ADCK1: variants seen among roughly 807,000 people sequenced by gnomAD.
ADCK1 encodes aarF domain containing kinase 1.
In ADCK1, 41 loss-of-function variants were observed where a neutral mutation model predicts 52.3. That is an observed-to-expected ratio of 0.78 (90% CI 0.61 to 1.02). The LOEUF (loss-of-function observed/expected upper bound fraction) is 1.02. ADCK1 is among the 50% of genes least tolerant of loss of function. The pLI, the probability that ADCK1 is intolerant of heterozygous loss-of-function variation, is 0.00. For missense variants in ADCK1, 658 were observed against 679.5 expected, an observed-to-expected ratio of 0.97 and a Z score of 0.35; for synonymous variants, 250 against 274.6, an observed-to-expected ratio of 0.91 and a Z score of 0.89.
At chr14:77,871,893 T>C (rs965240585) in intron 4 of ADCK1, among the ~76,000 whole-genome samples, 3 of 152,220 alleles carry the variant, frequency 2.0e-5, no homozygotes, top group South Asian at 2.1e-4. Context: ...TTAGGTCTCA[T>C]GCCTAAGTCA....
At chr14:77,806,500 C>T (rs925594738) in intron 1 of ADCK1, among the ~76,000 whole-genome samples, 1 of 152,134 alleles carries the variant, frequency 6.6e-6, no homozygotes, top group Admixed American at 6.5e-5. Context: ...GTCTTGAGGT[C>T]TCTCTCCAGA....
intron 3 of ADCK1, among the ~76,000 whole-genome samples, chr14:77,825,213 C>T (rs886431345): frequency 6.6e-6 from 1 of 152,060 alleles, no homozygotes; most frequent in African/African-American, 2.4e-5. Context: ...TTTGATTTTT[C>T]GATCTGTATC....
intron 4 of ADCK1, among the ~76,000 whole-genome samples, chr14:77,868,325 A>G (rs540727537): frequency 1.3e-5 from 2 of 152,304 alleles, no homozygotes; most frequent in East Asian, 3.9e-4. Context: ...CTCCTGGACT[A>G]TTCTGTTTCA....
At chr14:77,905,967 A>T (rs187328651) in intron 6 of ADCK1, among the ~76,000 whole-genome samples, 83 of 152,360 alleles carry the variant, frequency 5.4e-4, no homozygotes, top group Non-Finnish European at 8.5e-4. Flanking sequence ...CAGAAACCGC[A>T]GTCAAGCAGC....
At chr14:77,903,892 A>C (rs11159307) in intron 6 of ADCK1, among the ~76,000 whole-genome samples, 110,973 of 151,988 alleles carry the variant, frequency 0.73, 40,642 homozygotes, top group Admixed American at 0.76. Context: ...TTGCAGAGTG[A>C]TTTATATTCT....
At chr14:77,900,070 C>CAA (rs751907850) in intron 6 of ADCK1, among the ~76,000 whole-genome samples, 13,121 of 66,548 alleles carry the variant, frequency 0.2, 880 homozygotes, top group African/African-American at 0.28. Context: ...AACTCCGTCT[C>CAA]AAAAAAAAAA....
chr14:77,909,735 G>A (rs2083750631), intron 7 of ADCK1, among the ~76,000 whole-genome samples: 1 of 152,202 alleles, frequency 6.6e-6, no homozygotes, highest in African/African-American at 2.4e-5. Context: ...AAGAGTAGCT[G>A]GGTGGTGGTT....
intron 1 of ADCK1, among the ~76,000 whole-genome samples, chr14:77,803,737 C>A (rs2081162010): frequency 6.6e-6 from 1 of 152,204 alleles, no homozygotes; most frequent in African/African-American, 2.4e-5. Context: ...CCAAACAGTG[C>A]CTCCCACATG....
At chr14:77,854,839 G>T (rs956596121) in intron 3 of ADCK1, among the ~76,000 whole-genome samples, 1 of 152,124 alleles carries the variant, frequency 6.6e-6, no homozygotes, top group Non-Finnish European at 1.5e-5. Flanking sequence ...GATTACAGGC[G>T]TCAGCCACCC....
intron 4 of ADCK1, among the ~76,000 whole-genome samples, chr14:77,861,477 A>T (rs1403441608): frequency 6.6e-6 from 1 of 150,462 alleles, no homozygotes; most frequent in Non-Finnish European, 1.5e-5. Context: ...CTCCCATGAC[A>T]CTTCTCGGGG....
chr14:77,890,333 C>T (rs925550596), intron 5 of ADCK1, among the ~76,000 whole-genome samples: 1 of 152,208 alleles, frequency 6.6e-6, no homozygotes, highest in Non-Finnish European at 1.5e-5. Context: ...CTCTCCATAT[C>T]AGCCTCTACA....
intron 1 of ADCK1, among the ~76,000 whole-genome samples, chr14:77,811,572 C>G (rs1470658922): frequency 6.6e-6 from 1 of 152,038 alleles, no homozygotes; most frequent in Admixed American, 6.6e-5. Context: ...TTTGGGAGAC[C>G]GAGGTGGGAA....
At position 77,934,217 on chromosome 14, in the gene ADCK1, TC is replaced by T. The variant is rs2084405286; in HGVS notation, c.*828del. 1 of 151,938 alleles carries T rather than the reference TC, an allele frequency of 6.6e-6. No individual in the cohort carries two copies. The highest frequency in any genetic ancestry group is 2.1e-4 in the South Asian group (1 of 4,786). 9.4% of individuals were successfully genotyped at this position (151,938 alleles called of 1,614,324 possible). On this transcript the variant is annotated 3_prime_UTR_variant, in exon 11 of 11. Coordinates refer to ENST00000238561, the MANE Select transcript of ADCK1 (RefSeq NM_020421.4). ...TGTGATCTTCTGCTTGGCTTCTTGC[TC>T]CTGTAATCCTTCCAACCTGTGGGGC...
intron 7 of ADCK1, among the ~76,000 whole-genome samples, chr14:77,920,743 G>C (rs2084030179): frequency 6.6e-6 from 1 of 152,006 alleles, no homozygotes; most frequent in Admixed American, 6.6e-5. Flanking sequence ...GAAACTCCTG[G>C]GCTCAAGTGA....
chr14:77,907,651 A>T (rs2083696594), intron 6 of ADCK1, 152 bp from the exon 7 acceptor site: 1 of 572,712 alleles, frequency 1.7e-6, no homozygotes, highest in South Asian at 2.1e-5. Context: ...TGGCTGTCCC[A>T]TCCCCACTGT....
chr14:77,890,303 G>A (rs1398456122), intron 5 of ADCK1, among the ~76,000 whole-genome samples: 2 of 152,184 alleles, frequency 1.3e-5, no homozygotes, highest in Non-Finnish European at 2.9e-5. Flanking sequence ...AACTGGGGCT[G>A]TGGGCCAGGG....
rs1026372447 is a variant in ADCK1 at position 77,867,617 on chromosome 14, G to A, written c.423+8338G>A. Among the ~76,000 whole-genome samples, 45 of 152,288 alleles carry A rather than the reference G, an allele frequency of 3.0e-4. No individual in the cohort carries two copies. The East Asian group carries it at 6.4e-3, about 22-fold the overall frequency. ...AGCACGGACGGATGGCCTGCTGTTA[G>A]TCACTGCGGGAGAGGCAAGGCAATG... is the stretch of plus-strand genomic sequence containing the variant. On this transcript the variant is annotated intron_variant, in intron 4 of 10. Coordinates refer to ENST00000238561, the MANE Select transcript of ADCK1 (RefSeq NM_020421.4).
At chr14:77,874,430 G>A (rs1469479367) in intron 4 of ADCK1, among the ~76,000 whole-genome samples, 2 of 152,178 alleles carry the variant, frequency 1.3e-5, no homozygotes, top group African/African-American at 4.8e-5. Flanking sequence ...GTCAAGAGGA[G>A]AATGTACAGA....
chr14:77,931,627 G>A lies in ADCK1; in HGVS notation c.1316G>A (p.Arg439His), dbSNP rs749350658. The A allele has an allele frequency of 2.1e-5, 34 of 1,612,852 alleles. No individual in the cohort carries two copies. The highest frequency in any genetic ancestry group is 7.7e-5 in the South Asian group (7 of 91,088). ...LLILKTNDLL[R>H]GIEAALGTRA... The stretch of plus-strand genomic sequence containing the variant: ...ATCTTGAAGACCAACGACCTGCTGC[G>A]TGGCATTGAGGCCGCCCTGGGCACC... The change falls in exon 10 of 11, where the codon CGT becomes CAT. Residue 439 changes from arginine (R) to histidine (H), a missense_variant. Arg to His is a conservative substitution (Grantham distance 29). Coordinates refer to ENST00000238561, the MANE Select transcript of ADCK1 (RefSeq NM_020421.4).
Sources: allele counts gnomAD v4.1 joint callset (sites outside exome capture counted in the v4.1 genomes callset), GRCh38; gene constraint gnomAD v4.1.1; transcripts MANE v1.5; gene names NCBI Gene and HGNC (gene_info 2026-07-23, HGNC 2026-07-21).